The following PRRC2B variants were observed in gnomAD, a reference collection of about 807,000 sequenced individuals.
The protein encoded by PRRC2B is protein PRRC2B.
Under a neutral mutation model 242.3 loss-of-function variants are expected in PRRC2B, and 68 were observed. The observed-to-expected ratio is 0.28, with a 90% CI of 0.23 to 0.34. The LOEUF (loss-of-function observed/expected upper bound fraction) is 0.34, where lower values mean the gene tolerates loss of function less well. PRRC2B is among the 10% of genes least tolerant of loss of function. The pLI, the probability that PRRC2B is intolerant of heterozygous loss-of-function variation, is 1.00. For synonymous variants in PRRC2B, 1,228 were observed against 1,173.6 expected, an observed-to-expected ratio of 1.05 and a Z score of -0.95; for missense variants, 2,835 against 2,954.8, an observed-to-expected ratio of 0.96 and a Z score of 0.94.
chr9:131,456,035 C>T lies in PRRC2B; in HGVS notation c.1211+869C>T, dbSNP rs1264507742. On this transcript the variant is annotated intron_variant, in intron 10 of 31. Transcript: ENST00000683519. ...GGCTGAGGCAGGAGAATTGCTTGAA[C>T]CCAGGAGGCAGAGGTTGCAGTGAGC... Among the ~76,000 whole-genome samples, 3 of 151,894 alleles carry T rather than the reference C, an allele frequency of 2.0e-5. No homozygotes were observed. The East Asian group carries it at 5.9e-4, about 30-fold the overall frequency.
At chr9:131,416,367 A>G (rs982343284) in intron 1 of PRRC2B, among the ~76,000 whole-genome samples, 6 of 152,246 alleles carry the variant, frequency 3.9e-5, no homozygotes, top group African/African-American at 1.4e-4. Context: ...CGGCCTCCCA[A>G]AGTGTTGGGA....
upstream of PRRC2B, among the ~76,000 whole-genome samples, chr9:131,389,363 G>C (rs1265911131): frequency 1.1e-4 from 16 of 139,568 alleles, no homozygotes; most frequent in South Asian, 4.6e-4. Flanking sequence ...CTCCATGTTG[G>C]TCAGGCTGGT....
At chr9:131,378,079 G>A (rs1836709006) in intron 1 of PRRC2B, among the ~76,000 whole-genome samples, 1 of 152,060 alleles carries the variant, frequency 6.6e-6, no homozygotes, top group Admixed American at 6.6e-5. Context: ...GGGAGGCTGA[G>A]GCAGGTGGAT....
Position 131,459,345 on chromosome 9 carries a change from C to T in PRRC2B, c.1393C>T (p.Pro465Ser), listed in dbSNP as rs895649062. ...GAAGCTTCATGGCTGGGCACCAGGC[C>T]CTGACTACCAGGTACCAAGGGCCCT... ...PRKLHGWAPG[P>S]DYQKSSMGSM... The change falls in exon 11 of 32, where the codon CCT (proline) becomes TCT (serine). Residue 465 changes from proline (P) to serine (S), a missense_variant. Coordinates refer to ENST00000683519, the MANE Select transcript of PRRC2B (RefSeq NM_013318.4). 1 of 1,612,950 alleles carries T rather than the reference C, an allele frequency of 6.2e-7. No individual in the cohort carries two copies. Among genetic ancestry groups the T allele is most frequent in the South Asian group, 1.1e-5 (1 of 90,984 alleles).
At chr9:131,495,084 G>A (rs116840392) in intron 31 of PRRC2B, among the ~76,000 whole-genome samples, 87 of 152,284 alleles carry the variant, frequency 5.7e-4, no homozygotes, top group African/African-American at 2.0e-3. Context: ...TCCCCTAGGG[G>A]TCATGAAAGT....
In PRRC2B at chr9:131,475,513, G is replaced by A. The variant is rs533156455; in HGVS notation, c.3384G>A (p.Arg1128=). 4.3e-5 allele frequency: 69 copies of A among 1,609,548 alleles called. No individual in the cohort carries two copies. In the South Asian group the frequency reaches 7.0e-4, roughly 16 times the overall value. ...PEDCPRAKPR[R]RVASETHSEG... Reference sequence around the variant, plus strand: ...ACTGCCCCAGAGCCAAGCCCCGACGGAGAGTTGCCAGTGAGACCCATAGCG... The same window carrying A: ...ACTGCCCCAGAGCCAAGCCCCGACGAAGAGTTGCCAGTGAGACCCATAGCG... Residue 1128 remains arginine, a synonymous_variant, in exon 16 of 32, where the codon CGG becomes CGA. Coordinates refer to ENST00000683519, the MANE Select transcript of PRRC2B (RefSeq NM_013318.4).
intron 14 of PRRC2B, among the ~76,000 whole-genome samples, chr9:131,471,531 G>GCCT (rs1943546189): frequency 1.3e-5 from 2 of 152,202 alleles, no homozygotes; most frequent in African/African-American, 4.8e-5. Flanking sequence ...ATACAGACCA[G>GCCT]GGGTCAGCAA....
At chr9:131,440,802 A>C (rs1344491219) in intron 5 of PRRC2B, among the ~76,000 whole-genome samples, 1 of 152,242 alleles carries the variant, frequency 6.6e-6, no homozygotes, top group African/African-American at 2.4e-5. Flanking sequence ...ATAGTATCTT[A>C]ACCATTTGTG....
chr9:131,483,299 C>T (rs1943924767), intron 22 of PRRC2B, 60 bp from the exon 23 acceptor site: 2 of 1,485,580 alleles, frequency 1.3e-6, no homozygotes, highest in African/African-American at 2.8e-5. Flanking sequence ...ATGTATGCCT[C>T]TGGGGAATGT....
intron 5 of PRRC2B, among the ~76,000 whole-genome samples, chr9:131,439,538 C>A (rs1482434458): frequency 3.3e-5 from 5 of 152,192 alleles, no homozygotes; most frequent in Non-Finnish European, 7.3e-5. Context: ...CCCCTGCCAG[C>A]CAAGGCTTCA....
At chr9:131,396,390 A>T (rs1217140854) in intron 1 of PRRC2B, among the ~76,000 whole-genome samples, 1 of 135,576 alleles carries the variant, frequency 7.4e-6, no homozygotes, top group Non-Finnish European at 1.5e-5. Flanking sequence ...CAGTGATGTG[A>T]TCTCAGCTCA....
intron 1 of PRRC2B, among the ~76,000 whole-genome samples, chr9:131,402,883 A>G (rs2966358): frequency 0.97 from 147,664 of 152,288 alleles, 71,750 homozygotes; most frequent in East Asian, 1. Flanking sequence ...TTATGCAAGC[A>G]TTCTTGTATG....
intron 1 of PRRC2B, among the ~76,000 whole-genome samples, chr9:131,412,280 G>A (rs1837527457): frequency 6.6e-6 from 1 of 152,098 alleles, no homozygotes; most frequent in African/African-American, 2.4e-5. Context: ...ACCCTGCTCT[G>A]CTGCTTGCTC....
chr9:131,418,571 T>C (rs143346629), intron 1 of PRRC2B, among the ~76,000 whole-genome samples: 1 of 152,278 alleles, frequency 6.6e-6, no homozygotes, highest in Non-Finnish European at 1.5e-5. Flanking sequence ...GCCAGCCTGA[T>C]TTGTCTTCTT....
chr9:131,381,781 C>G (rs1039954594), intron 1 of PRRC2B, among the ~76,000 whole-genome samples: 2 of 151,996 alleles, frequency 1.3e-5, no homozygotes, highest in Non-Finnish European at 2.9e-5. Flanking sequence ...GCTCTGTCCC[C>G]CAGGCTGGAG....
chr9:131,420,451 CTT>C (rs1363242363), intron 1 of PRRC2B, among the ~76,000 whole-genome samples: 31 of 44,362 alleles, frequency 7.0e-4, no homozygotes, highest in East Asian at 2.7e-3. Flanking sequence ...TTTTCTTTTT[CTT>C]TTTCTTTCTT....
chr9:131,447,521 A>G (rs1181395243), intron 8 of PRRC2B, 141 bp from the exon 9 acceptor site: 15 of 951,240 alleles, frequency 1.6e-5, no homozygotes, highest in Non-Finnish European at 2.0e-5. Flanking sequence ...TTTGCTCATT[A>G]TATATTTCTT....
At position 131,485,120 on chromosome 9, in the gene PRRC2B, C is replaced by T. The variant is rs746920424; in HGVS notation, c.5738C>T (p.Ala1913Val). The change falls in exon 25 of 32, where the codon GCA (alanine) becomes GTA (valine). Residue 1913 changes from alanine to valine, a missense_variant. This residue lies in a region of PRRC2B where 574 missense variants were observed against 626.0 expected (regional missense o/e 0.92). Transcript: ENST00000683519. The part of the protein sequence containing the change: ...SMPPMPVASV[A>V]PSASMPGSHL... ...CCACCCATGCCTGTGGCCTCTGTAG[C>T]ACCTTCTGCTTCTATGCCAGGTATC... 1.3e-6 allele frequency: 2 copies of T among 1,593,534 alleles called. No homozygotes were observed. Among genetic ancestry groups the T allele is most frequent in the Non-Finnish European group, 1.7e-6 (2 of 1,168,794 alleles).
At position 131,491,547 on chromosome 9, in the gene PRRC2B, G is replaced by T. The variant is rs777992658; in HGVS notation, c.6348G>T (p.Gly2116=). The T allele has an allele frequency of 6.2e-7, 1 of 1,611,058 alleles. No homozygotes were observed. The highest frequency in any genetic ancestry group is 8.5e-7 in the Non-Finnish European group (1 of 1,179,130). Residue 2116 remains glycine, a synonymous_variant, in exon 29 of 32, where the codon GGG becomes GGT. Transcript: ENST00000683519. ...CCCCCCGAAGGATTCCTCCGCCCGGGTCCCAGCCGCCAGTCCTGAACACCA... is the reference window on the plus strand; with the variant it reads ...CCCCCCGAAGGATTCCTCCGCCCGGTTCCCAGCCGCCAGTCCTGAACACCA... ...VGAPRRIPPP[G]SQPPVLNTSR...
Sources: gnomAD v4.1 joint callset for allele counts (sites outside exome capture counted in the v4.1 genomes callset) on GRCh38, gnomAD v4.1.1 for gene constraint, gnomAD v4.1.1 regional missense constraint, MANE v1.5 for transcripts, NCBI Gene and HGNC (gene_info 2026-07-23, HGNC 2026-07-21) for gene names.